The following RARA variants were observed in gnomAD, a reference collection of about 807,000 sequenced individuals.
The protein encoded by RARA is PML-DDX5-RARA fusion.
Under a neutral mutation model 42.8 loss-of-function variants are expected in RARA, and 5 were observed. The ratio of observed to expected loss-of-function variants is 0.12; its 90% CI spans 0.06 to 0.25. The LOEUF (loss-of-function observed/expected upper bound fraction) is 0.25. RARA is among the 10% of genes least tolerant of loss of function. The pLI is 1.00. For synonymous variants in RARA, 256 were observed against 259.5 expected, an observed-to-expected ratio of 0.99 and a Z score of 0.13; for missense variants, 402 against 628.7, an observed-to-expected ratio of 0.64 and a Z score of 3.86.
Position 40,355,536 on chromosome 17 carries a change from G to T in RARA, c.1171+115G>T. On this transcript the variant is annotated intron_variant, in intron 8 of 8. Transcript: ENST00000254066. This position sits in a 1 kb window ranked among gnomAD's most constrained non-coding sequence, Gnocchi z 4.1. ...GACAATACGACACCTGTCCCCATCT[G>T]TGTCTAGGCTGAGGTCCCCTAGTGA... 8 of 1,380,032 alleles carry T rather than the reference G, an allele frequency of 5.8e-6. No individual in the cohort carries two copies. The highest frequency in any genetic ancestry group is 6.8e-6 in the Non-Finnish European group (7 of 1,030,004). The allele number at this position is 1,380,032 out of a possible 1,614,324, so 85.5% of individuals were successfully genotyped here.
intron 6 of RARA, among the ~76,000 whole-genome samples, chr17:40,353,204 G>T (rs1471428245): frequency 4.6e-5 from 7 of 152,040 alleles, no homozygotes; most frequent in Admixed American, 3.9e-4. Flanking sequence ...TGAAAGACTT[G>T]CTGCTGTGAG....
At chr17:40,309,408 A>T (rs1475440771) in intron 1 of RARA, 122 bp downstream of exon 1, 2 of 152,304 alleles carry the variant, frequency 1.3e-5, no homozygotes, top group Non-Finnish European at 2.9e-5. Context: ...CCCGTCGCTC[A>T]CTGTAGTCCT....
chr17:40,340,911 G>C (rs974521631), intron 2 of RARA: 8 of 400,044 alleles, frequency 2.0e-5, no homozygotes, highest in African/African-American at 1.6e-4. Context: ...TGTGATCTTG[G>C]ACAACCCACA....
At position 40,355,145 on chromosome 17, in the gene RARA, T is replaced by G. The variant is rs1478667591; in HGVS notation, c.1013-118T>G. 10 of 1,282,166 alleles carry G rather than the reference T, an allele frequency of 7.8e-6. No individual in the cohort carries two copies. In the East Asian group the frequency reaches 2.5e-4, roughly 33 times the overall value. The allele number at this position is 1,282,166 out of a possible 1,614,324, so 79.4% of individuals were successfully genotyped here. A position where few individuals can be genotyped will look rare whatever the true frequency, so the allele number is the denominator to read the frequency against. On this transcript the variant is annotated intron_variant, in intron 7 of 8. Coordinates refer to ENST00000254066, the MANE Select transcript of RARA (RefSeq NM_000964.4). The surrounding 1 kb of genome is among the most constrained non-coding windows in gnomAD (Gnocchi z 4.1). ...CAGAGACCCCATGCCCTGCCCTGTG[T>G]GGGGAGGCGCCTGCGAGCTGCCCTC...
At chr17:40,332,122 T>C (rs1282570372) in intron 2 of RARA, among the ~76,000 whole-genome samples, 1 of 152,198 alleles carries the variant, frequency 6.6e-6, no homozygotes, top group Non-Finnish European at 1.5e-5. Flanking sequence ...CTTCGCCGGC[T>C]GGCCGAGCCA....
intron 1 of RARA, among the ~76,000 whole-genome samples, chr17:40,321,805 C>G (rs999588456): frequency 1.3e-5 from 2 of 152,186 alleles, no homozygotes; most frequent in Non-Finnish European, 2.9e-5. Flanking sequence ...GGTGTAATTT[C>G]TGCAGCTAGG....
intron 1 of RARA, among the ~76,000 whole-genome samples, chr17:40,316,287 CTG>C (rs978563087): frequency 3.9e-5 from 6 of 152,248 alleles, no homozygotes; most frequent in Non-Finnish European, 7.3e-5. Flanking sequence ...GGGGCTACTT[CTG>C]TGTCTGTGCA....
chr17:40,352,585 C>T lies in RARA; in HGVS notation c.807+78C>T. 7.6e-7 allele frequency: 1 copy of T among 1,311,968 alleles called. No individual in the cohort carries two copies. 81.3% of individuals were successfully genotyped at this position (1,311,968 alleles called of 1,614,324 possible). On this transcript the variant is annotated intron_variant, in intron 6 of 8. Transcript: ENST00000254066. The surrounding 1 kb of genome is among the most constrained non-coding windows in gnomAD (Gnocchi z 4.9). ...GTCCTTCCAGCCAGACAGCCACCCTCCTAAATGTCTGTCTGCAATCAACCT... is the reference window on the plus strand; with the variant it reads ...GTCCTTCCAGCCAGACAGCCACCCTTCTAAATGTCTGTCTGCAATCAACCT...
At chr17:40,328,309 G>A (rs1414777021) in intron 1 of RARA, among the ~76,000 whole-genome samples, 1 of 152,142 alleles carries the variant, frequency 6.6e-6, no homozygotes, top group African/African-American at 2.4e-5. Flanking sequence ...ACCTAGTGTA[G>A]CCTGAGCTTG....
In RARA at chr17:40,345,769, CCT is replaced by C. The variant is rs1364548458; in HGVS notation, c.179-2545_179-2544del. 6.6e-6 allele frequency among the ~76,000 whole-genome samples: 1 copy of C among 152,168 alleles called. No individual in the cohort carries two copies. Among genetic ancestry groups the C allele is most frequent in the East Asian group, 1.9e-4 (1 of 5,194 alleles). ...GGGCAGTCCCTCCCCCGTTGGTGTC[CCT>C]CCCCACTCCACCTGTGTGTGCAGGG... On this transcript the variant is annotated intron_variant, in intron 2 of 8. Coordinates refer to ENST00000254066, the MANE Select transcript of RARA (RefSeq NM_000964.4). This position sits in a 1 kb window ranked among gnomAD's most constrained non-coding sequence, Gnocchi z 4.8.
rs765855422 is a variant in RARA, at chr17:40,354,532, G to C, written c.1012+26G>C. 1.2e-6 allele frequency: 2 copies of C among 1,606,090 alleles called. No individual in the cohort carries two copies. The highest frequency in any genetic ancestry group is 1.7e-5 in the Admixed American group (1 of 59,930). On this transcript the variant is annotated intron_variant, in intron 7 of 8. Coordinates refer to ENST00000254066, the MANE Select transcript of RARA (RefSeq NM_000964.4). This position sits in a 1 kb window ranked among gnomAD's most constrained non-coding sequence, Gnocchi z 4.5. ...GTGGGCAGGGGGCCTGGGTCTGGGG[G>C]CTGGGCTGGGACGGGGGTGCAGCCC...
Position 40,351,753 on chromosome 17 carries a change from G to A in RARA, c.470-157G>A, listed in dbSNP as rs996153801. Among the ~76,000 whole-genome samples the A allele has an allele frequency of 3.9e-4, 59 of 152,216 alleles. No homozygotes were observed. The highest frequency in any genetic ancestry group is 1.3e-3 in the African/African-American group (56 of 41,532). Reference sequence around the variant, plus strand: ...GGGTGGGCATGGAGGGCTGGAGTGCGTGGCAATGCCTTGCCTGCCCGTGAA... The same window carrying A: ...GGGTGGGCATGGAGGGCTGGAGTGCATGGCAATGCCTTGCCTGCCCGTGAA... On this transcript the variant is annotated intron_variant, in intron 4 of 8. Transcript: ENST00000254066. The surrounding 1 kb of genome is among the most constrained non-coding windows in gnomAD (Gnocchi z 4.1).
At position 40,355,487 on chromosome 17, in the gene RARA, C is replaced by G. The variant is rs896003217; in HGVS notation, c.1171+66C>G. ...CTGGCCCAGGCCCCCACATCCAAGC[C>G]AGCACCCCATGTCTTTGTGCCAGGA... On this transcript the variant is annotated intron_variant, in intron 8 of 8. Coordinates refer to ENST00000254066, the MANE Select transcript of RARA (RefSeq NM_000964.4). This position sits in a 1 kb window ranked among gnomAD's most constrained non-coding sequence, Gnocchi z 4.1. 3 of 1,536,376 alleles carry G rather than the reference C, an allele frequency of 2.0e-6. No individual in the cohort carries two copies. The highest frequency in any genetic ancestry group is 2.6e-6 in the Non-Finnish European group (3 of 1,135,386).
At chr17:40,329,661 G>C (rs1264536839) in intron 1 of RARA, among the ~76,000 whole-genome samples, 1 of 151,924 alleles carries the variant, frequency 6.6e-6, no homozygotes, top group Non-Finnish European at 1.5e-5. Context: ...TGCCATGTTG[G>C]CCAGGCTGGT....
At position 40,352,092 on chromosome 17, in the gene RARA, C is replaced by T. The variant is rs762914585; in HGVS notation, c.630+22C>T. The T allele has an allele frequency of 7.8e-6, 12 of 1,537,804 alleles. No homozygotes were observed. The highest frequency in any genetic ancestry group is 2.4e-5 in the Admixed American group (1 of 42,450). The stretch of plus-strand genomic sequence containing the variant: ...TACGGTATGGCTTTCCCCCGGCCTG[C>T]AGGGTGGGATTTGCCCAGGGCCACA... On this transcript the variant is annotated intron_variant, in intron 5 of 8. Coordinates refer to ENST00000254066, the MANE Select transcript of RARA (RefSeq NM_000964.4). This position sits in a 1 kb window ranked among gnomAD's most constrained non-coding sequence, Gnocchi z 4.9.
Position 40,352,181 on chromosome 17 carries a change from C to T in RARA, c.630+111C>T. ...CCAGGCAAGATCTCTGCGTCCTTCCCTTCCCCTCTCTTCTCCCTCCTCCTG... is the reference window on the plus strand; with the variant it reads ...CCAGGCAAGATCTCTGCGTCCTTCCTTTCCCCTCTCTTCTCCCTCCTCCTG... On this transcript the variant is annotated intron_variant, in intron 5 of 8. Transcript: ENST00000254066. The surrounding 1 kb of genome is among the most constrained non-coding windows in gnomAD (Gnocchi z 4.9). The T allele has an allele frequency of 1.3e-6, 2 of 1,481,784 alleles. No individual in the cohort carries two copies. The highest frequency in any genetic ancestry group is 1.8e-6 in the Non-Finnish European group (2 of 1,122,156). 91.8% of individuals were successfully genotyped at this position (1,481,784 alleles called of 1,614,324 possible).
chr17:40,348,310 C>A lies in RARA; in HGVS notation c.179-6C>A, dbSNP rs1421143582. On this transcript the variant is annotated splice_polypyrimidine_tract_variant and splice_region_variant and intron_variant, in intron 2 of 8. Transcript: ENST00000254066. ...TCTAACTGCCCCTCCCCTCTTCTCT[C>A]TCTAGCCATTGAGACCCAGAGCAGC... 6.3e-7 allele frequency: 1 copy of A among 1,583,752 alleles called. No homozygotes were observed. Among genetic ancestry groups the A allele is most frequent in the South Asian group, 1.2e-5 (1 of 86,824 alleles).
rs530645929 is a variant in RARA at position 40,347,004 on chromosome 17, G to A, written c.179-1312G>A. ...AGCCCCCACTGTGTCTGCAGGTAAG[G>A]GGGGAGGGTGGTAGCACATAGTCAG... On this transcript the variant is annotated intron_variant, in intron 2 of 8. Transcript: ENST00000254066. Among the ~76,000 whole-genome samples the A allele has an allele frequency of 2.0e-5, 3 of 152,232 alleles. 1 individual carries two copies. In the South Asian group the frequency reaches 6.2e-4, roughly 31 times the overall value.
At chr17:40,346,667 C>T (rs964624586) in intron 2 of RARA, among the ~76,000 whole-genome samples, 1 of 151,992 alleles carries the variant, frequency 6.6e-6, no homozygotes, top group Non-Finnish European at 1.5e-5. Flanking sequence ...GTTCTCAGGC[C>T]TCTCAGCCTG....
Sources: allele counts gnomAD v4.1 joint callset (sites outside exome capture counted in the v4.1 genomes callset), GRCh38; gene constraint gnomAD v4.1.1; non-coding constraint Gnocchi (gnomAD v3.1); transcripts MANE v1.5; gene names NCBI Gene and HGNC (gene_info 2026-07-23, HGNC 2026-07-21).